Variants in MED24 observed in about 807,000 individuals in gnomAD.
MED24 encodes the protein mediator complex subunit 24, also known as mediator of RNA polymerase II transcription subunit 24.
A neutral mutation model predicts 118.8 loss-of-function variants in MED24; 74 were observed. The ratio of observed to expected loss-of-function variants is 0.62; its 90% confidence interval spans 0.52 to 0.76. The LOEUF is 0.76. MED24 is among the 30% of genes least tolerant of loss of function. MED24 has a pLI of 0.00. For missense variants in MED24, 1,041 were observed against 1,278.9 expected, an observed-to-expected ratio of 0.81 and a Z score of 2.84; for synonymous variants, 521 against 523.9, an observed-to-expected ratio of 0.99 and a Z score of 0.08.
intron 3 of MED24, among the ~76,000 whole-genome samples, chr17:40,048,240 T>G (rs1380685523): frequency 6.6e-6 from 1 of 152,158 alleles, no homozygotes; most frequent in Non-Finnish European, 1.5e-5. Flanking sequence ...AGCCTAGCAG[T>G]TCTAAAGGTA....
At position 40,026,423 on chromosome 17, in the gene MED24, C is replaced by T. The variant is rs548573061; in HGVS notation, c.1810-92G>A. On this transcript the variant is annotated intron_variant, in intron 18 of 25. Transcript: ENST00000394128. ...AGCCTCTGCGGGCAGCTAAGTGCAG[C>T]GGGTGGAGTCCCGGGCCACATTCCA... 17 of 1,481,900 alleles carry T rather than the reference C, an allele frequency of 1.1e-5. No homozygotes were observed. In the South Asian group the frequency reaches 1.4e-4, roughly 12 times the overall value. 91.8% of individuals were successfully genotyped at this position (1,481,900 alleles called of 1,614,324 possible).
At position 40,022,455 on chromosome 17, in the gene MED24, T is replaced by G; in HGVS notation, c.2462A>C (p.Tyr821Ser). ...KLAVWCALSS[Y>S]SSHKGQASTR... ...GGACGCCTGTCCCTTGTGGGAGGAG[T>G]AGGAACTGAGGGCACACCACACGGC... is the stretch of plus-strand genomic sequence containing the variant. The change falls in exon 22 of 26, where the codon TAC (tyrosine) becomes TCC (serine). Residue 821 changes from tyrosine (Y) to serine (S), a missense_variant. Transcript: ENST00000394128. 6.2e-7 allele frequency: 1 copy of G among 1,608,776 alleles called. No individual in the cohort carries two copies. Among genetic ancestry groups the G allele is most frequent in the Non-Finnish European group, 8.5e-7 (1 of 1,178,178 alleles).
chr17:40,019,265 G>A lies in MED24; in HGVS notation c.*264C>T, dbSNP rs1156360303. 13 of 485,848 alleles carry A rather than the reference G, an allele frequency of 2.7e-5. No individual in the cohort carries two copies. Among genetic ancestry groups the A allele is most frequent in the African/African-American group, 1.4e-4 (7 of 50,508 alleles). 30.1% of individuals were successfully genotyped at this position (485,848 alleles called of 1,614,324 possible). A position where few individuals can be genotyped will look rare whatever the true frequency, so the allele number is the denominator to read the frequency against. ...AGACTACTCCTGGGCTGGGGCGGGC[G>A]CACACAGGGGTGACCACTGGGCTTG... On this transcript the variant is annotated 3_prime_UTR_variant, in exon 26 of 26. Transcript: ENST00000394128.
At position 40,033,619 on chromosome 17, in the gene MED24, T is replaced by G. The variant is rs1320331938; in HGVS notation, c.560-163A>C. 4 of 712,604 alleles carry G rather than the reference T, an allele frequency of 5.6e-6. No homozygotes were observed. Among genetic ancestry groups the G allele is most frequent in the African/African-American group, 3.5e-5 (2 of 57,378 alleles). The allele number at this position is 712,604 out of a possible 1,614,324, so 44.1% of individuals were successfully genotyped here. A position where few individuals can be genotyped will look rare whatever the true frequency, so the allele number is the denominator to read the frequency against. ...GGAGGGGCCTGAGGGCAGCATGCACTGTTTCCAGAAGGGGGGTGGGCACCT... is the reference window on the plus strand; with the variant it reads ...GGAGGGGCCTGAGGGCAGCATGCACGGTTTCCAGAAGGGGGGTGGGCACCT... On this transcript the variant is annotated intron_variant, in intron 6 of 25. Coordinates refer to ENST00000394128, the MANE Select transcript of MED24 (RefSeq NM_014815.4). The surrounding 1 kb of genome is among the most constrained non-coding windows in gnomAD (Gnocchi z 5.2).
chr17:40,031,535 T>TACTTGC lies in MED24; in HGVS notation c.1064_1067+2dup. 1 of 1,613,802 alleles carries TACTTGC rather than the reference T, an allele frequency of 6.2e-7. No individual in the cohort carries two copies. The highest frequency in any genetic ancestry group is 8.5e-7 in the Non-Finnish European group (1 of 1,179,702). On this transcript the variant is annotated splice_region_variant and intron_variant, in intron 11 of 25. Transcript: ENST00000394128. ...GGGCGGGGGTGACCAGGGGAGCTCA[T>TACTTGC]ACTTGCAGCGCTGGTCAGCTTTGTC...
intron 3 of MED24, among the ~76,000 whole-genome samples, chr17:40,049,073 G>A (rs1297141873): frequency 2.0e-5 from 3 of 151,942 alleles, no homozygotes; most frequent in Non-Finnish European, 4.4e-5. Context: ...TGAGCACAGT[G>A]GCTCATACTC....
chr17:40,019,182 A>ACACACG lies in MED24; in HGVS notation c.*346_*347insCGTGTG. On this transcript the variant is annotated 3_prime_UTR_variant, in exon 26 of 26. Coordinates refer to ENST00000394128, the MANE Select transcript of MED24 (RefSeq NM_014815.4). ...TATTACAAAATACACACAAACACACACACACACACACACACACACACATAC... is the reference window on the plus strand; with the variant it reads ...TATTACAAAATACACACAAACACACACACACGCACACACACACACACACACACATAC... The ACACACG allele has an allele frequency of 4.6e-6, 1 of 217,044 alleles. No homozygotes were observed. The highest frequency in any genetic ancestry group is 9.0e-6 in the Non-Finnish European group (1 of 111,030). The allele number at this position is 217,044 out of a possible 1,614,324, so 13.4% of individuals were successfully genotyped here. A position where few individuals can be genotyped will look rare whatever the true frequency, so the allele number is the denominator to read the frequency against.
chr17:40,045,078 C>A (rs1006016237), intron 3 of MED24, among the ~76,000 whole-genome samples: 8 of 152,188 alleles, frequency 5.3e-5, no homozygotes, highest in African/African-American at 1.7e-4. Flanking sequence ...TCCAGATATG[C>A]AGACAGGTAG....
chr17:40,049,941 G>A (rs1434022876), intron 3 of MED24, among the ~76,000 whole-genome samples: 1 of 151,384 alleles, frequency 6.6e-6, no homozygotes, highest in African/African-American at 2.4e-5. Context: ...CTTGAGGTCA[G>A]GAGTTAGAGA....
chr17:40,052,304 G>A lies in MED24; in HGVS notation c.213+994C>T, dbSNP rs1222001085. Among the ~76,000 whole-genome samples the A allele has an allele frequency of 2.0e-5, 3 of 152,118 alleles. No homozygotes were observed. The East Asian group carries it at 5.8e-4, about 29-fold the overall frequency. On this transcript the variant is annotated intron_variant, in intron 3 of 25. Transcript: ENST00000394128. ...CAAGACTCTGACTCAAAAAAAGGTA[G>A]GTAGATGACCTTTGGCAAGTTATGT...
At position 40,033,373 on chromosome 17, in the gene MED24, C is replaced by A; in HGVS notation, c.643G>T (p.Ala215Ser). ...NLSNPQLRSQAEQCGTLIRSI... is the reference protein window; with the variant it reads ...NLSNPQLRSQSEQCGTLIRSI... ...CTAATGAGGGTGCCACACTGCTCGG[C>A]CTGACTCCGGAGCTGCGGGTTGCTG... Residue 215 changes from alanine (A) to serine (S), a missense_variant, in exon 7 of 26, where the codon GCC becomes TCC. Ala to Ser is a moderately conservative substitution (Grantham distance 99, BLOSUM62 1). Transcript: ENST00000394128. This position sits in a 1 kb window ranked among gnomAD's most constrained non-coding sequence, Gnocchi z 5.2. The A allele has an allele frequency of 6.2e-7, 1 of 1,612,944 alleles. No homozygotes were observed. Among genetic ancestry groups the A allele is most frequent in the Non-Finnish European group, 8.5e-7 (1 of 1,179,530 alleles).
chr17:40,031,029 C>T (rs894385927), intron 12 of MED24, 130 bp downstream of exon 12: 5 of 821,186 alleles, frequency 6.1e-6, no homozygotes, highest in South Asian at 1.5e-5. Context: ...GTTCCCTGTA[C>T]CCCCAGGCAC....
rs187249259 is a variant in MED24, at chr17:40,039,260, C to T, written c.214-3106G>A. Among the ~76,000 whole-genome samples the T allele has an allele frequency of 1.7e-3, 262 of 152,326 alleles. 2 individuals carry two copies. The highest frequency in any genetic ancestry group is 0.015 in the Admixed American group (235 of 15,296). ...AGACCCAAAAATGCTTTCTACATGACGAACTGTTTTACACAGCAGGATCTG... is the reference window on the plus strand; with the variant it reads ...AGACCCAAAAATGCTTTCTACATGATGAACTGTTTTACACAGCAGGATCTG... On this transcript the variant is annotated intron_variant, in intron 3 of 25. Transcript: ENST00000394128.
intron 19 of MED24, among the ~76,000 whole-genome samples, chr17:40,024,298 C>T (rs1330264776): frequency 6.6e-6 from 1 of 152,190 alleles, no homozygotes; most frequent in African/African-American, 2.4e-5. Context: ...CTTCAGGAGG[C>T]TGAGGCGGGA....
At chr17:40,041,313 C>A (rs530544800) in intron 3 of MED24, among the ~76,000 whole-genome samples, 1 of 152,324 alleles carries the variant, frequency 6.6e-6, no homozygotes, top group Non-Finnish European at 1.5e-5. Context: ...TCCCTACTCT[C>A]TGGCCCCTTC....
rs1456407076 is a variant in MED24 at position 40,029,823 on chromosome 17, C to T, written c.1191G>A (p.Ser397=). 2.7e-5 allele frequency: 43 copies of T among 1,613,930 alleles called. No individual in the cohort carries two copies. The highest frequency in any genetic ancestry group is 4.4e-5 in the South Asian group (4 of 91,082). The change falls in exon 13 of 26, where the codon TCG becomes TCA. Residue 397 remains serine (S), a synonymous_variant. Transcript: ENST00000394128. The part of the protein sequence containing the change: ...ADREHAPQQK[S]GENANIQPNI... ...TGGGCTGGATGTTGGCATTCTCTCC[C>T]GATTTCTGCTGGGGTGCGTGCTCTC...
intron 1 of MED24, chr17:40,053,986 CG>C: frequency 2.8e-6 from 1 of 356,274 alleles, no homozygotes; most frequent in East Asian, 5.6e-5. Flanking sequence ...CAAAATTAGC[CG>C]GGCTTGGTGG....
At chr17:40,050,227 T>C (rs1415171497) in intron 3 of MED24, among the ~76,000 whole-genome samples, 2 of 148,134 alleles carry the variant, frequency 1.4e-5, no homozygotes, top group Admixed American at 1.4e-4. Context: ...GGTGAGCGGA[T>C]CACCTGAGGT....
Position 40,053,592 on chromosome 17 carries a change from C to T in MED24, c.7G>A (p.Val3Met). Residue 3 changes from valine to methionine, a missense_variant, in exon 2 of 26, where the codon GTG becomes ATG. By Grantham distance (21) the Val-to-Met change is conservative (BLOSUM62 1). Transcript: ENST00000394128. ...AAAATGGCTTGCTTCAGGTTGACCA[C>T]CTTCATTATTTCACTCTGAGCAGGT... MK[V>M]VNLKQAILQA... 1 of 1,614,144 alleles carries T rather than the reference C, an allele frequency of 6.2e-7. No individual in the cohort carries two copies. The highest frequency in any genetic ancestry group is 8.5e-7 in the Non-Finnish European group (1 of 1,180,052).
Sources: allele counts gnomAD v4.1 joint callset (sites outside exome capture counted in the v4.1 genomes callset), GRCh38; gene constraint gnomAD v4.1.1; non-coding constraint Gnocchi (gnomAD v3.1); transcripts MANE v1.5; gene names NCBI Gene and HGNC (gene_info 2026-07-23, HGNC 2026-07-21).